Variants in GHR observed in about 807,000 individuals in gnomAD.
GHR encodes the protein growth hormone receptor.
Under a neutral mutation model 67.1 loss-of-function variants are expected in GHR, and 35 were observed. The ratio of observed to expected loss-of-function variants is 0.52; its 90% CI spans 0.40 to 0.69. GHR has a LOEUF of 0.69. Among genes scored for constraint, GHR ranks in the 30% least tolerant of loss-of-function variants. GHR has a pLI of 0.00. For missense variants in GHR, 792 were observed against 764.6 expected (o/e 1.04, Z -0.42); for synonymous variants, 272 against 269.1 (o/e 1.01, Z -0.10).
At chr5:42,532,363 T>C (rs1748014035) in intron 1 of GHR, among the ~76,000 whole-genome samples, 1 of 151,922 alleles carries the variant, frequency 6.6e-6, no homozygotes, top group South Asian at 2.1e-4. Flanking sequence ...GATAGATAGA[T>C]AGATAGATAG....
chr5:42,495,594 G>GA (rs1469271310), intron 1 of GHR, among the ~76,000 whole-genome samples: 6 of 151,870 alleles, frequency 4.0e-5, no homozygotes, highest in South Asian at 2.1e-4. Flanking sequence ...CATGTGATCA[G>GA]AAAAAAAATG....
At chr5:42,449,350 T>G (rs1036931467) in intron 1 of GHR, among the ~76,000 whole-genome samples, 1 of 152,238 alleles carries the variant, frequency 6.6e-6, no homozygotes, top group African/African-American at 2.4e-5. Context: ...ATCTTTCAAC[T>G]CCTTCGTTAA....
At position 42,708,128 on chromosome 5, in the gene GHR, A is replaced by G. The variant is rs149677239; in HGVS notation, c.619-3079A>G. ...TATAACAAAGTACAAAAAGTTCATC[A>G]GTAGAGTTTCAGGTTTCATTTTTCC... On this transcript the variant is annotated intron_variant, in intron 6 of 9. Transcript: ENST00000230882. 2.1e-3 allele frequency among the ~76,000 whole-genome samples: 316 copies of G among 152,298 alleles called. 3 individuals are homozygous for G. The highest frequency in any genetic ancestry group is 7.3e-3 in the African/African-American group (303 of 41,580).
At chr5:42,533,332 T>A (rs1032734583) in intron 1 of GHR, among the ~76,000 whole-genome samples, 5 of 152,228 alleles carry the variant, frequency 3.3e-5, no homozygotes, top group African/African-American at 1.2e-4. Context: ...ATAATATCTA[T>A]GTTCATATTT....
rs36037535 is a variant in GHR, at chr5:42,599,357, ATTTTTTTTTTTTTT to A, written c.71-29670_71-29657del. 1.3e-4 allele frequency among the ~76,000 whole-genome samples: 13 copies of A among 103,922 alleles called. No homozygotes were observed. In the South Asian group the frequency reaches 3.5e-3, roughly 28 times the overall value. The allele number at this position is 103,922 out of a possible 152,430, so 68.2% of individuals were successfully genotyped here. On this transcript the variant is annotated intron_variant, in intron 2 of 9. Transcript: ENST00000230882. ...GGGCATGTTGTTTGGCCTACAGCAC[ATTTTTTTTTTTTTT>A]TTTTTTTTTTGAGACAGAGTTCACT...
At chr5:42,465,512 A>C in intron 1 of GHR, 1 of 1,551,672 alleles carries the variant, frequency 6.4e-7, no homozygotes, top group Non-Finnish European at 8.9e-7. Flanking sequence ...AGTGTCTGCC[A>C]CTGGATGATG....
In GHR at chr5:42,719,542, G is replaced by A; in HGVS notation, c.*118G>A. The stretch of plus-strand genomic sequence containing the variant: ...TGGGGGAGTGACAGGATGGGGTATG[G>A]ATTCTAAAATGCCTTTTCCCAAAAT... On this transcript the variant is annotated 3_prime_UTR_variant, in exon 10 of 10. Transcript: ENST00000230882. 3 of 959,524 alleles carry A rather than the reference G, an allele frequency of 3.1e-6. No homozygotes were observed. The highest frequency in any genetic ancestry group is 5.0e-6 in the Non-Finnish European group (3 of 598,566). The allele number at this position is 959,524 out of a possible 1,614,324, so 59.4% of individuals were successfully genotyped here. A position where few individuals can be genotyped will look rare whatever the true frequency, so the allele number is the denominator to read the frequency against.
intron 1 of GHR, among the ~76,000 whole-genome samples, chr5:42,488,976 C>T (rs189852804): frequency 4.1e-4 from 63 of 152,324 alleles, no homozygotes; most frequent in Admixed American, 2.6e-4. Context: ...CCAATCTACA[C>T]GTCTGTCAAC....
At chr5:42,436,851 G>A (rs542857479) in intron 1 of GHR, among the ~76,000 whole-genome samples, 1 of 152,278 alleles carries the variant, frequency 6.6e-6, no homozygotes, top group African/African-American at 2.4e-5. Context: ...TGGGCATGAT[G>A]TTCAAAACTA....
intron 1 of GHR, among the ~76,000 whole-genome samples, chr5:42,539,021 G>A (rs1196685564): frequency 6.6e-6 from 1 of 151,976 alleles, no homozygotes; most frequent in Non-Finnish European, 1.5e-5. Context: ...AATGTTTCCT[G>A]AAGTTTTGAT....
At chr5:42,480,216 C>T (rs1745556068) in intron 1 of GHR, among the ~76,000 whole-genome samples, 1 of 152,144 alleles carries the variant, frequency 6.6e-6, no homozygotes, top group African/African-American at 2.4e-5. Flanking sequence ...TTTCTTAATC[C>T]TGAGTTCTAC....
intron 1 of GHR, among the ~76,000 whole-genome samples, chr5:42,543,469 TAC>T (rs1274389677): frequency 1.3e-5 from 2 of 152,300 alleles, no homozygotes; most frequent in African/African-American, 4.8e-5. Flanking sequence ...CACACACACA[TAC>T]ACAGAGTCTT....
intron 2 of GHR, among the ~76,000 whole-genome samples, chr5:42,590,809 T>TGG (rs1446408825): frequency 6.6e-6 from 1 of 152,208 alleles, no homozygotes; most frequent in East Asian, 1.9e-4. Flanking sequence ...TCCCTAGAAC[T>TGG]GGTGAGGCTG....
At chr5:42,609,399 C>T (rs566704297) in intron 2 of GHR, among the ~76,000 whole-genome samples, 2 of 152,144 alleles carry the variant, frequency 1.3e-5, no homozygotes, top group Non-Finnish European at 2.9e-5. Flanking sequence ...TGTGGAGCAA[C>T]AAATGGGGAG....
At chr5:42,485,170 C>T (rs187314949) in intron 1 of GHR, among the ~76,000 whole-genome samples, 1 of 152,314 alleles carries the variant, frequency 6.6e-6, no homozygotes, top group East Asian at 1.9e-4. Context: ...TGTCCCTTAC[C>T]ATGGTCTTGC....
intron 1 of GHR, among the ~76,000 whole-genome samples, chr5:42,492,359 G>T (rs1338523848): frequency 2.6e-5 from 4 of 152,188 alleles, no homozygotes. Flanking sequence ...AAGTGAAAAT[G>T]TGGGGAAAGG....
chr5:42,671,685 G>A (rs191909442), intron 3 of GHR, among the ~76,000 whole-genome samples: 2,573 of 150,352 alleles, frequency 0.017, 40 homozygotes, highest in African/African-American at 0.043. Context: ...GGCCGGGCGC[G>A]GTGGCTCACA....
chr5:42,671,641 TA>T (rs33934676), intron 3 of GHR, among the ~76,000 whole-genome samples: 3,947 of 136,660 alleles, frequency 0.029, 164 homozygotes, highest in African/African-American at 0.099. Flanking sequence ...CCCTTCATGT[TA>T]AAAAAAAAAA....
Position 42,520,705 on chromosome 5 carries a change from G to A in GHR, c.-11-45159G>A, listed in dbSNP as rs540508698. Among the ~76,000 whole-genome samples the A allele has an allele frequency of 2.0e-5, 3 of 152,196 alleles. No homozygotes were observed. The South Asian group carries it at 6.2e-4, about 32-fold the overall frequency. On this transcript the variant is annotated intron_variant, in intron 1 of 9. Coordinates refer to ENST00000230882, the MANE Select transcript of GHR (RefSeq NM_000163.5). ...AGAGCATGTTACAGCAGCAGTATAAGCATACACAATCAAAGGTGATTGAAG... is the reference window on the plus strand; with the variant it reads ...AGAGCATGTTACAGCAGCAGTATAAACATACACAATCAAAGGTGATTGAAG...
Sources: gnomAD v4.1 joint callset for allele counts (sites outside exome capture counted in the v4.1 genomes callset) on GRCh38, gnomAD v4.1.1 for gene constraint, MANE v1.5 for transcripts, NCBI Gene and HGNC (gene_info 2026-07-23, HGNC 2026-07-21) for gene names.